The following ATG10 variants were observed in gnomAD, a reference collection of about 807,000 sequenced individuals.
ATG10 encodes autophagy related 10, also known as ubiquitin-like-conjugating enzyme ATG10.
In ATG10, 30 loss-of-function variants were observed where a neutral mutation model predicts 32.1. The ratio of observed to expected loss-of-function variants is 0.94; its 90% CI spans 0.70 to 1.27. The LOEUF is 1.27. ATG10 is among the 50% of genes most tolerant of loss of function. The probability of loss-of-function intolerance (pLI) is 0.00; values close to 1 mark genes in which losing one functional copy is unlikely to be tolerated. For synonymous variants in ATG10, 87 were observed against 91.5 expected, an observed-to-expected ratio of 0.95 and a Z score of 0.28; for missense variants, 233 against 262.3, an observed-to-expected ratio of 0.89 and a Z score of 0.77.
At chr5:82,138,683 G>T (rs181953075) in intron 3 of ATG10, among the ~76,000 whole-genome samples, 1 of 152,076 alleles carries the variant, frequency 6.6e-6, no homozygotes, top group African/African-American at 2.4e-5. Context: ...CTTGCCCGGG[G>T]ATCCATGGAT....
intron 4 of ATG10, among the ~76,000 whole-genome samples, chr5:82,166,619 C>T (rs916876201): frequency 1.3e-5 from 2 of 152,000 alleles, no homozygotes; most frequent in South Asian, 4.1e-4. Context: ...ATTCCCCCCC[C>T]AGTCTTTTTT....
At chr5:82,173,000 A>C (rs1000346060) in intron 4 of ATG10, among the ~76,000 whole-genome samples, 1 of 152,180 alleles carries the variant, frequency 6.6e-6, no homozygotes, top group Non-Finnish European at 1.5e-5. Flanking sequence ...ATGAATTTTT[A>C]TATCTTTCAA....
At chr5:82,091,285 G>T (rs1246320956) in intron 3 of ATG10, among the ~76,000 whole-genome samples, 1 of 152,028 alleles carries the variant, frequency 6.6e-6, no homozygotes, top group East Asian at 1.9e-4. Context: ...GTCCAGGCTG[G>T]ACTCCAATTC....
intron 1 of ATG10, among the ~76,000 whole-genome samples, chr5:81,975,217 T>A (rs551122235): frequency 6.6e-6 from 1 of 152,316 alleles, no homozygotes; most frequent in Admixed American, 6.5e-5. Flanking sequence ...ACAGTGGTTG[T>A]ACAATTTATC....
rs61096885 is a variant in ATG10 at position 82,100,772 on chromosome 5, G to GTTT, written c.216+42190_216+42192dup. 6.7e-3 allele frequency among the ~76,000 whole-genome samples: 759 copies of GTTT among 113,884 alleles called. 4 individuals carry two copies. The highest frequency in any genetic ancestry group is 9.7e-3 in the Non-Finnish European group (550 of 56,592). 74.7% of individuals were successfully genotyped at this position (113,884 alleles called of 152,430 possible). A position where few individuals can be genotyped will look rare whatever the true frequency, so the allele number is the denominator to read the frequency against. ...AATACACAAAACAAAACAAGAACTA[G>GTTT]TTTTTTTTTTTTTTTTTTTTTTGGC... On this transcript the variant is annotated intron_variant, in intron 3 of 7. Transcript: ENST00000282185.
chr5:82,000,068 C>G (rs1205316160), intron 2 of ATG10, among the ~76,000 whole-genome samples: 1 of 152,066 alleles, frequency 6.6e-6, no homozygotes, highest in African/African-American at 2.4e-5. Flanking sequence ...AAATCCTCAA[C>G]AAAATACTGG....
intron 3 of ATG10, among the ~76,000 whole-genome samples, chr5:82,085,057 A>G (rs1194517749): frequency 1.3e-5 from 2 of 152,102 alleles, no homozygotes; most frequent in African/African-American, 4.8e-5. Flanking sequence ...AAGAATCAAG[A>G]CCCATTAGTG....
intron 2 of ATG10, among the ~76,000 whole-genome samples, chr5:82,055,111 A>G (rs1394445204): frequency 6.6e-6 from 1 of 152,074 alleles, no homozygotes; most frequent in Non-Finnish European, 1.5e-5. Context: ...CACAAAACAT[A>G]TTTTTCTGCC....
chr5:82,002,268 C>T (rs114295035), intron 2 of ATG10, among the ~76,000 whole-genome samples: 242 of 152,272 alleles, frequency 1.6e-3, no homozygotes, highest in African/African-American at 5.0e-3. Context: ...TACCATTTGA[C>T]GCAGCAATCC....
chr5:82,221,345 A>G (rs1378047530), intron 5 of ATG10, among the ~76,000 whole-genome samples: 4 of 152,220 alleles, frequency 2.6e-5, no homozygotes, highest in East Asian at 1.9e-4. Flanking sequence ...GGAAACATTC[A>G]TAAGTGGTTT....
At chr5:82,123,259 A>G (rs1766120707) in intron 3 of ATG10, among the ~76,000 whole-genome samples, 1 of 152,238 alleles carries the variant, frequency 6.6e-6, no homozygotes, top group Non-Finnish European at 1.5e-5. Context: ...AAACTAATGC[A>G]GGAACAGAAA....
intron 3 of ATG10, among the ~76,000 whole-genome samples, chr5:82,123,525 A>T (rs1766130718): frequency 2.2e-5 from 2 of 90,428 alleles, no homozygotes; most frequent in Middle Eastern, 7.5e-3. Flanking sequence ...AAATAAAAGT[A>T]AAAAAAAAAA....
At chr5:82,108,108 T>C (rs1018500150) in intron 3 of ATG10, among the ~76,000 whole-genome samples, 1 of 151,974 alleles carries the variant, frequency 6.6e-6, no homozygotes, top group Non-Finnish European at 1.5e-5. Context: ...GTTTATTCTG[T>C]TGTCAGAGGA....
chr5:82,054,203 A>T (rs187292402), intron 2 of ATG10, among the ~76,000 whole-genome samples: 2 of 152,288 alleles, frequency 1.3e-5, no homozygotes, highest in Non-Finnish European at 1.5e-5. Flanking sequence ...AAAACTCCAC[A>T]GGTGGTTCTA....
intron 3 of ATG10, among the ~76,000 whole-genome samples, chr5:82,079,487 G>A (rs1462666306): frequency 6.6e-6 from 1 of 151,786 alleles, no homozygotes; most frequent in Non-Finnish European, 1.5e-5. Flanking sequence ...ATTTACATTA[G>A]GTATATCTCC....
At chr5:82,044,073 G>T (rs913284087) in intron 2 of ATG10, among the ~76,000 whole-genome samples, 2 of 152,022 alleles carry the variant, frequency 1.3e-5, no homozygotes, top group South Asian at 2.1e-4. Context: ...AGAACTACCT[G>T]AGACTGGGTA....
rs1747395134 is a variant in ATG10 at position 82,254,661 on chromosome 5, G to T, written c.*598G>T. 1 of 151,950 alleles carries T rather than the reference G, an allele frequency of 6.6e-6. No homozygotes were observed. The highest frequency in any genetic ancestry group is 2.4e-5 in the African/African-American group (1 of 41,364). 9.4% of individuals were successfully genotyped at this position (151,950 alleles called of 1,614,324 possible). A position where few individuals can be genotyped will look rare whatever the true frequency, so the allele number is the denominator to read the frequency against. The stretch of plus-strand genomic sequence containing the variant: ...ACCAACATTATTAGGGCACTTGCAG[G>T]TTATTCTTTTCTAGGCCAAGTACTT... On this transcript the variant is annotated 3_prime_UTR_variant, in exon 8 of 8. Transcript: ENST00000282185.
chr5:82,083,900 C>A (rs1448306587), intron 3 of ATG10, among the ~76,000 whole-genome samples: 1 of 152,206 alleles, frequency 6.6e-6, no homozygotes, highest in Non-Finnish European at 1.5e-5. Flanking sequence ...GCTGAAAATT[C>A]TAAAAATCAG....
intron 3 of ATG10, among the ~76,000 whole-genome samples, chr5:82,137,384 A>C (rs1358458076): frequency 1.3e-5 from 2 of 152,080 alleles, no homozygotes; most frequent in Non-Finnish European, 2.9e-5. Context: ...GGTGACCTTC[A>C]AATGTCGTTT....
Sources: gnomAD v4.1 joint callset for allele counts (sites outside exome capture counted in the v4.1 genomes callset) on GRCh38, gnomAD v4.1.1 for gene constraint, MANE v1.5 for transcripts, NCBI Gene and HGNC (gene_info 2026-07-23, HGNC 2026-07-21) for gene names.